CUX1: variants seen among roughly 807,000 people sequenced by gnomAD.
CUX1 encodes protein CASP.
Under a neutral mutation model 158.8 loss-of-function variants are expected in CUX1, and 31 were observed. The observed-to-expected ratio is 0.20, with a 90% CI of 0.15 to 0.26. The LOEUF is 0.26. CUX1 is among the 10% of genes least tolerant of loss of function. The probability of loss-of-function intolerance (pLI) is 1.00; values close to 1 mark genes in which losing one functional copy is unlikely to be tolerated. For synonymous variants in CUX1, 879 were observed against 862.1 expected (o/e 1.02, Z -0.34); for missense variants, 1,589 against 2,014.6 (o/e 0.79, Z 4.04).
At chr7:102,224,778 C>T (rs530777074) in intron 20 of CUX1, among the ~76,000 whole-genome samples, 240 of 152,312 alleles carry the variant, frequency 1.6e-3, no homozygotes, top group African/African-American at 5.3e-3. Context: ...GCTCTGCCTC[C>T]GCCAGCACCC....
chr7:102,120,881 TAGTG>T (rs1308974850), intron 8 of CUX1, among the ~76,000 whole-genome samples: 2 of 152,078 alleles, frequency 1.3e-5, no homozygotes, highest in African/African-American at 4.8e-5. Flanking sequence ...CTGGGCAACA[TAGTG>T]AGACCCCACC....
At chr7:102,240,859 C>T (rs532239861) in intron 23 of CUX1, among the ~76,000 whole-genome samples, 35 of 152,204 alleles carry the variant, frequency 2.3e-4, no homozygotes, top group Non-Finnish European at 4.6e-4. Flanking sequence ...CTTGCTCTGT[C>T]GCCCAGGTTG....
At position 102,177,969 on chromosome 7, in the gene CUX1, C is replaced by T. The variant is rs1432045666; in HGVS notation, c.829-500C>T. ...GTGCAGTGGTACAATCTCAGCTCAGCGCAACCTTCTTCTCCCGAGTTCAAG... is the reference window on the plus strand; with the variant it reads ...GTGCAGTGGTACAATCTCAGCTCAGTGCAACCTTCTTCTCCCGAGTTCAAG... On this transcript the variant is annotated intron_variant, in intron 10 of 23. Coordinates refer to ENST00000292535, the MANE Select transcript of CUX1 (RefSeq NM_181552.4). 3.3e-5 allele frequency among the ~76,000 whole-genome samples: 5 copies of T among 152,210 alleles called. No individual in the cohort carries two copies. In the East Asian group the frequency reaches 5.8e-4, roughly 18 times the overall value.
intron 4 of CUX1, among the ~76,000 whole-genome samples, chr7:102,076,828 G>T (rs917234444): frequency 6.6e-6 from 1 of 152,014 alleles, no homozygotes; most frequent in African/African-American, 2.4e-5. Flanking sequence ...GAGCCCAGGG[G>T]TTGAAGACCA....
At chr7:101,825,621 G>A (rs925952272) in intron 1 of CUX1, among the ~76,000 whole-genome samples, 7 of 152,208 alleles carry the variant, frequency 4.6e-5, no homozygotes, top group African/African-American at 1.7e-4. Flanking sequence ...ACTGGGAGAG[G>A]AAGGATATTG....
intron 8 of CUX1, among the ~76,000 whole-genome samples, chr7:102,148,143 C>G (rs911711904): frequency 2.0e-5 from 3 of 152,118 alleles, no homozygotes; most frequent in Non-Finnish European, 2.9e-5. Flanking sequence ...AATGAATGGA[C>G]AATGGAGAGT....
At chr7:102,139,046 A>G (rs1347467034) in intron 8 of CUX1, among the ~76,000 whole-genome samples, 1 of 152,006 alleles carries the variant, frequency 6.6e-6, no homozygotes, top group African/African-American at 2.4e-5. Context: ...GGAGTTTGAG[A>G]CCAGCCTGGC....
intron 1 of CUX1, among the ~76,000 whole-genome samples, chr7:101,861,827 C>T (rs534278282): frequency 3.3e-5 from 5 of 151,476 alleles, no homozygotes; most frequent in Non-Finnish European, 7.4e-5. Flanking sequence ...TGCGGTGGCA[C>T]GATCTCGGCT....
At chr7:102,244,135 A>C (rs1554536019) in intron 23 of CUX1, among the ~76,000 whole-genome samples, 1 of 152,208 alleles carries the variant, frequency 6.6e-6, no homozygotes, top group Non-Finnish European at 1.5e-5. Context: ...TGGTTCTTTC[A>C]CTAAATGCTT....
chr7:102,196,224 C>G (rs568183146), intron 14 of CUX1, among the ~76,000 whole-genome samples: 67 of 152,340 alleles, frequency 4.4e-4, no homozygotes, highest in Non-Finnish European at 8.7e-4. Context: ...CGCCTCAGAG[C>G]AAGAGGTGCG....
intron 7 of CUX1, among the ~76,000 whole-genome samples, chr7:102,112,872 T>A (rs1055047801): frequency 1.3e-5 from 2 of 152,228 alleles, no homozygotes; most frequent in Admixed American, 6.5e-5. Flanking sequence ...GTATTTCATT[T>A]AAATGTATTT....
At chr7:101,884,521 T>A (rs2131586637) in intron 1 of CUX1, among the ~76,000 whole-genome samples, 1 of 152,242 alleles carries the variant, frequency 6.6e-6, no homozygotes, top group South Asian at 2.1e-4. Context: ...TAAAGCCCCG[T>A]GTGAGGTGGG....
chr7:101,877,429 G>A (rs1000124151), intron 1 of CUX1, among the ~76,000 whole-genome samples: 1 of 152,232 alleles, frequency 6.6e-6, no homozygotes, highest in Non-Finnish European at 1.5e-5. Context: ...GCTCATGCCT[G>A]TAAACCCAGC....
chr7:102,033,770 C>G (rs921431423), intron 3 of CUX1, among the ~76,000 whole-genome samples: 1 of 152,122 alleles, frequency 6.6e-6, no homozygotes, highest in Non-Finnish European at 1.5e-5. Context: ...AAAGAGCGAG[C>G]ACTTCTTAAC....
intron 1 of CUX1, among the ~76,000 whole-genome samples, chr7:101,839,943 G>A (rs960591206): frequency 1.3e-5 from 2 of 152,046 alleles, no homozygotes; most frequent in African/African-American, 4.8e-5. Context: ...TGTATTTTTA[G>A]TACAGATGGG....
In CUX1 at chr7:101,833,980, C is replaced by G. The variant is rs757897121; in HGVS notation, c.30+16311C>G. On this transcript the variant is annotated intron_variant, in intron 1 of 23. Transcript: ENST00000292535. The stretch of plus-strand genomic sequence containing the variant: ...GAGTAGGTGGGGTGCTGGGCCGGCC[C>G]CTCTGATCCTGTCCTACCCTGTGCA... Among the ~76,000 whole-genome samples, 55 of 151,878 alleles carry G rather than the reference C, an allele frequency of 3.6e-4. 1 individual carries two copies. Among genetic ancestry groups the G allele is most frequent in the Non-Finnish European group, 7.5e-4 (51 of 68,000 alleles).
intron 20 of CUX1, among the ~76,000 whole-genome samples, chr7:102,222,217 G>A (rs1212895056): frequency 2.0e-5 from 3 of 152,140 alleles, no homozygotes; most frequent in Non-Finnish European, 2.9e-5. Flanking sequence ...GGTCGAGACT[G>A]CAGTGAACCA....
intron 4 of CUX1, among the ~76,000 whole-genome samples, chr7:102,086,666 G>A (rs1554480618): frequency 2.6e-5 from 4 of 151,824 alleles, no homozygotes; most frequent in African/African-American, 9.7e-5. Flanking sequence ...GTTGAGTGCA[G>A]TGACACGACT....
chr7:101,869,863 C>T lies in CUX1; in HGVS notation c.31-46252C>T, dbSNP rs540291817. Among the ~76,000 whole-genome samples, 1 of 152,266 alleles carries T rather than the reference C, an allele frequency of 6.6e-6. No individual in the cohort carries two copies. Among genetic ancestry groups the T allele is most frequent in the Admixed American group, 6.5e-5 (1 of 15,298 alleles). ...AATCTTAAATCCTCTTGTTAAGACG[C>T]GCTCCGCCCCTGTGTCCTTATTTCC... On this transcript the variant is annotated intron_variant, in intron 1 of 23. Transcript: ENST00000292535. The surrounding 1 kb of genome is among the most constrained non-coding windows in gnomAD (Gnocchi z 4.5).
Sources: gnomAD v4.1 joint callset for allele counts (sites outside exome capture counted in the v4.1 genomes callset) on GRCh38, gnomAD v4.1.1 for gene constraint, Gnocchi (gnomAD v3.1) non-coding constraint, MANE v1.5 for transcripts, NCBI Gene and HGNC (gene_info 2026-07-23, HGNC 2026-07-21) for gene names.